Variants in METTL15 observed in about 807,000 individuals in gnomAD.
The protein encoded by METTL15 is 12S rRNA N(4)-cytidine methyltransferase METTL15.
METTL15 carries 34 observed loss-of-function variants against 38.3 expected under a neutral mutation model. The ratio of observed to expected loss-of-function variants is 0.89; its 90% confidence interval spans 0.68 to 1.18. METTL15 has a LOEUF of 1.18. Ranked by LOEUF, METTL15 falls within the 50% of genes most tolerant of loss-of-function variation. The pLI is 0.00. For missense variants in METTL15, 438 were observed against 498.4 expected (o/e 0.88, Z 1.15); for synonymous variants, 162 against 170.9 (o/e 0.95, Z 0.41).
At chr11:28,350,369 T>A (rs963864968) in intron 3 of METTL15, among the ~76,000 whole-genome samples, 3 of 152,234 alleles carry the variant, frequency 2.0e-5, no homozygotes, top group Non-Finnish European at 4.4e-5. Context: ...TTTCACAATT[T>A]GAATGTGGTT....
chr11:28,160,041 T>A (rs1469833227), intron 3 of METTL15, among the ~76,000 whole-genome samples: 1 of 151,990 alleles, frequency 6.6e-6, no homozygotes, highest in Non-Finnish European at 1.5e-5. Context: ...GGGCATAATC[T>A]CATCAGCTGC....
At chr11:28,185,953 A>G (rs1851478593) in intron 3 of METTL15, among the ~76,000 whole-genome samples, 1 of 150,438 alleles carries the variant, frequency 6.6e-6, no homozygotes, top group Non-Finnish European at 1.5e-5. Flanking sequence ...ATATGTGTGC[A>G]TTCATTTTTA....
At chr11:28,141,229 C>CTG (rs1267852636) in intron 3 of METTL15, among the ~76,000 whole-genome samples, 1 of 152,156 alleles carries the variant, frequency 6.6e-6, no homozygotes, top group Non-Finnish European at 1.5e-5. Flanking sequence ...ATTGTCCAAA[C>CTG]TGTCTTCATG....
intron 3 of METTL15, among the ~76,000 whole-genome samples, chr11:28,151,163 A>G (rs912537910): frequency 5.9e-5 from 9 of 151,976 alleles, no homozygotes; most frequent in African/African-American, 2.2e-4. Flanking sequence ...ATTAAAAACA[A>G]AGTTATAACT....
chr11:28,353,919 G>A (rs1235987482), intron 4 of METTL15, among the ~76,000 whole-genome samples: 6 of 134,456 alleles, frequency 4.5e-5, no homozygotes, highest in Middle Eastern at 4.6e-3. Context: ...GCGACAGAGC[G>A]AGACTCCGTC....
chr11:28,303,635 G>C (rs371459169), intron 6 of METTL15, among the ~76,000 whole-genome samples: 1 of 152,022 alleles, frequency 6.6e-6, no homozygotes, highest in East Asian at 1.9e-4. Context: ...CCTTTATTCT[G>C]ACTCATAAAC....
intron 5 of METTL15, among the ~76,000 whole-genome samples, chr11:28,411,340 C>A (rs1850722568): frequency 6.6e-6 from 1 of 151,822 alleles, no homozygotes; most frequent in Non-Finnish European, 1.5e-5. Flanking sequence ...AATCATGTTA[C>A]AAAGCTATAG....
intron 6 of METTL15, among the ~76,000 whole-genome samples, chr11:28,520,757 A>G (rs1851758295): frequency 6.6e-6 from 1 of 152,234 alleles, no homozygotes; most frequent in African/African-American, 2.4e-5. Flanking sequence ...TTAGAGCTGT[A>G]TTCATTTAGG....
chr11:28,400,233 C>CT (rs11316701), intron 5 of METTL15, among the ~76,000 whole-genome samples: 24 of 150,224 alleles, frequency 1.6e-4, no homozygotes, highest in South Asian at 2.1e-4. Flanking sequence ...CAAATTTTCT[C>CT]TTTTTTTTTT....
At chr11:28,337,782 C>T (rs1477147018), downstream of METTL15, among the ~76,000 whole-genome samples, 1 of 152,026 alleles carries the variant, frequency 6.6e-6, no homozygotes, top group Non-Finnish European at 1.5e-5. Flanking sequence ...AGTAACATGC[C>T]ATACAGGTTT....
chr11:28,179,711 A>G (rs951656578), intron 3 of METTL15, among the ~76,000 whole-genome samples: 1 of 151,764 alleles, frequency 6.6e-6, no homozygotes, highest in African/African-American at 2.4e-5. Flanking sequence ...TTTATTATGA[A>G]TAAAGCTCAT....
At chr11:28,368,105 T>A (rs1590347024) in intron 5 of METTL15, among the ~76,000 whole-genome samples, 1 of 41,068 alleles carries the variant, frequency 2.4e-5, no homozygotes, top group South Asian at 5.7e-4. Context: ...GGGATCTAAT[T>A]AAACTAAAGA....
chr11:28,142,306 G>T (rs529811762), intron 3 of METTL15, among the ~76,000 whole-genome samples: 4 of 152,142 alleles, frequency 2.6e-5, no homozygotes, highest in African/African-American at 7.2e-5. Context: ...TCACTTCAAA[G>T]TTACTTTTCT....
chr11:28,177,915 T>G (rs1565145256), intron 3 of METTL15, among the ~76,000 whole-genome samples: 1 of 152,000 alleles, frequency 6.6e-6, no homozygotes, highest in Non-Finnish European at 1.5e-5. Context: ...ATTGTAAGGC[T>G]ATGGGACAAA....
chr11:28,485,635 A>G (rs1380855530), intron 6 of METTL15, among the ~76,000 whole-genome samples: 2 of 152,194 alleles, frequency 1.3e-5, no homozygotes, highest in Non-Finnish European at 2.9e-5. Flanking sequence ...AGTAGAAAAG[A>G]TAAAACGTTA....
rs1372781621 is a variant in METTL15 at position 28,361,950 on chromosome 11, A to G, written c.*272A>G. Reference sequence around the variant, plus strand: ...TATGTTTTACAGGCATTTTCCCCCAATAAACTACTTATTCTCCCAACTTCA... The same window carrying G: ...TATGTTTTACAGGCATTTTCCCCCAGTAAACTACTTATTCTCCCAACTTCA... On this transcript the variant is annotated 3_prime_UTR_variant and NMD_transcript_variant, in exon 5 of 8. Transcript: ENST00000532947. The G allele has an allele frequency of 9.9e-5, 15 of 152,276 alleles. No homozygotes were observed. The East Asian group carries it at 2.9e-3, about 29-fold the overall frequency. 9.4% of individuals were successfully genotyped at this position (152,276 alleles called of 1,614,324 possible). A position where few individuals can be genotyped will look rare whatever the true frequency, so the allele number is the denominator to read the frequency against.
intron 6 of METTL15, among the ~76,000 whole-genome samples, chr11:28,478,435 G>A (rs1239375191): frequency 1.3e-5 from 2 of 152,132 alleles, no homozygotes; most frequent in Non-Finnish European, 2.9e-5. Flanking sequence ...AATATTAGGC[G>A]AGTCTGTGGC....
chr11:28,513,787 C>T lies in METTL15; in HGVS notation c.*425-12691C>T, dbSNP rs1044101199. On this transcript the variant is annotated intron_variant and NMD_transcript_variant, in intron 6 of 7. Transcript: ENST00000532947. The stretch of plus-strand genomic sequence containing the variant: ...CTGCAGTAGGAACATGCCCTTAAGG[C>T]ACAGATCGCTCATGCTATTGTTTGT... 5.3e-5 allele frequency among the ~76,000 whole-genome samples: 8 copies of T among 152,240 alleles called. No homozygotes were observed. The East Asian group carries it at 1.5e-3, about 29-fold the overall frequency.
chr11:28,163,014 C>G (rs1012538504), intron 3 of METTL15, among the ~76,000 whole-genome samples: 1 of 150,288 alleles, frequency 6.7e-6, no homozygotes, highest in Non-Finnish European at 1.5e-5. Context: ...GTGTTATTCT[C>G]AAGGGAAATC....
Sources: allele counts gnomAD v4.1 joint callset (sites outside exome capture counted in the v4.1 genomes callset), GRCh38; gene constraint gnomAD v4.1.1; transcripts MANE v1.5; gene names NCBI Gene and HGNC (gene_info 2026-07-23, HGNC 2026-07-21).